The following KMT2C variants were observed in gnomAD, a reference collection of about 807,000 sequenced individuals.
KMT2C encodes the protein lysine methyltransferase 2C.
A neutral mutation model predicts 507.9 loss-of-function variants in KMT2C; 88 were observed. The ratio of observed to expected loss-of-function variants is 0.17; its 90% CI spans 0.15 to 0.21. The LOEUF (loss-of-function observed/expected upper bound fraction) is 0.21, where lower values mean the gene tolerates loss of function less well. KMT2C is among the 10% of genes least tolerant of loss of function. The pLI is 1.00. For synonymous variants in KMT2C, 2,049 were observed against 2,080.8 expected, an observed-to-expected ratio of 0.98 and a Z score of 0.42; for missense variants, 4,954 against 5,957.8, an observed-to-expected ratio of 0.83 and a Z score of 5.55.
At chr7:152,418,959 C>A (rs1336044787) in intron 1 of KMT2C, among the ~76,000 whole-genome samples, 1 of 151,792 alleles carries the variant, frequency 6.6e-6, no homozygotes, top group Non-Finnish European at 1.5e-5. Context: ...TTTGAAAGGC[C>A]AAGGTGGGAG....
intron 6 of KMT2C, among the ~76,000 whole-genome samples, chr7:152,307,267 A>T (rs1347268999): frequency 3.3e-5 from 4 of 122,244 alleles, no homozygotes; most frequent in Non-Finnish European, 6.6e-5. Flanking sequence ...GGAAGGAAGG[A>T]AGGAAGAAAG....
intron 53 of KMT2C, 113 bp from the exon 54 acceptor site, chr7:152,145,408 G>C (rs1374804729): frequency 2.8e-6 from 3 of 1,053,402 alleles, no homozygotes; most frequent in Non-Finnish European, 4.1e-6. Flanking sequence ...CGTTTTCCCC[G>C]ATAATAAAAT....
At chr7:152,431,747 G>A (rs1338006171) in intron 1 of KMT2C, among the ~76,000 whole-genome samples, 1 of 151,704 alleles carries the variant, frequency 6.6e-6, no homozygotes, top group Non-Finnish European at 1.5e-5. Context: ...TGCCTATTGA[G>A]TCCCAGAGAC....
At chr7:152,161,343 T>C (rs2092445846) in intron 43 of KMT2C, among the ~76,000 whole-genome samples, 1 of 152,190 alleles carries the variant, frequency 6.6e-6, no homozygotes. Flanking sequence ...AATTAAAATA[T>C]GAAAATGAAA....
At chr7:152,418,787 A>T (rs138220291) in intron 1 of KMT2C, among the ~76,000 whole-genome samples, 4 of 152,310 alleles carry the variant, frequency 2.6e-5, no homozygotes, top group African/African-American at 9.6e-5. Context: ...AAAGATTAAC[A>T]ATACGGAAAT....
intron 1 of KMT2C, among the ~76,000 whole-genome samples, chr7:152,360,599 C>T (rs931478878): frequency 2.0e-5 from 3 of 151,750 alleles, no homozygotes; most frequent in Non-Finnish European, 4.4e-5. Context: ...TCTGAGAGGC[C>T]GAGGCAGGCA....
chr7:152,358,785 T>C (rs2097172960), intron 1 of KMT2C, 110 bp from the exon 2 acceptor site: 1 of 666,076 alleles, frequency 1.5e-6, no homozygotes, highest in Non-Finnish European at 2.6e-6. Context: ...AATAAGTAAT[T>C]AGGGCATTTT....
chr7:152,225,674 C>T (rs2094906441), intron 18 of KMT2C, among the ~76,000 whole-genome samples: 1 of 151,950 alleles, frequency 6.6e-6, no homozygotes, highest in Non-Finnish European at 1.5e-5. Flanking sequence ...TCAACAGATC[C>T]AACAAAGGAC....
At chr7:152,351,204 A>G (rs966155345) in intron 2 of KMT2C, among the ~76,000 whole-genome samples, 13 of 152,198 alleles carry the variant, frequency 8.5e-5, no homozygotes, top group Admixed American at 7.9e-4. Context: ...TAATGATAAA[A>G]AGTATAGTAT....
intron 1 of KMT2C, among the ~76,000 whole-genome samples, chr7:152,422,963 G>C (rs558208813): frequency 2.3e-4 from 34 of 149,690 alleles, no homozygotes; most frequent in African/African-American, 8.4e-4. Flanking sequence ...CTTACAGTGA[G>C]CCAAGATCAC....
chr7:152,367,658 T>G (rs1294355471), intron 1 of KMT2C: 1 of 1,430,482 alleles, frequency 7.0e-7, no homozygotes, highest in Non-Finnish European at 9.8e-7. Flanking sequence ...TCAAAGAAGG[T>G]GGTGTTCAGT....
intron 42 of KMT2C, 51 bp from the exon 43 acceptor site, chr7:152,163,877 A>T (rs1344303329): frequency 3.9e-6 from 6 of 1,538,736 alleles, no homozygotes; most frequent in Non-Finnish European, 5.4e-6. Context: ...ATAGGTACTG[A>T]AGTAAAACAC....
rs186971873 is a variant in KMT2C at position 152,359,321 on chromosome 7, C to A, written c.162-646G>T. 8.9e-4 allele frequency among the ~76,000 whole-genome samples: 132 copies of A among 148,384 alleles called. 4 individuals are homozygous for A. The highest frequency in any genetic ancestry group is 8.1e-3 in the Admixed American group (121 of 14,864). On this transcript the variant is annotated intron_variant, in intron 1 of 58. Coordinates refer to ENST00000262189, the MANE Select transcript of KMT2C (RefSeq NM_170606.3). ...AAAAAAAAACTAATGCCTTTAAATT[C>A]TTTGAATTGTACTAAATACGGTATA...
chr7:152,215,521 A>G, intron 23 of KMT2C, among the ~76,000 whole-genome samples: 1 of 147,778 alleles, frequency 6.8e-6, no homozygotes, highest in African/African-American at 2.5e-5. Flanking sequence ...CTCAAAAAAA[A>G]AAAAAAAAAA....
chr7:152,316,706 C>A (rs1185983943), intron 3 of KMT2C, among the ~76,000 whole-genome samples: 4 of 152,018 alleles, frequency 2.6e-5, no homozygotes, highest in Non-Finnish European at 5.9e-5. Context: ...ATATTGGACT[C>A]TCAACTAATT....
At chr7:152,363,003 T>C (rs1300015621) in intron 1 of KMT2C, among the ~76,000 whole-genome samples, 1 of 152,224 alleles carries the variant, frequency 6.6e-6, no homozygotes, top group East Asian at 1.9e-4. Flanking sequence ...TCCTTATTGC[T>C]GCTCATTGGC....
Position 152,171,269 on chromosome 7 carries a change from G to T in KMT2C, c.9448C>A (p.Pro3150Thr), listed in dbSNP as rs767049285. 1.2e-6 allele frequency: 2 copies of T among 1,605,126 alleles called. No homozygotes were observed. The highest frequency in any genetic ancestry group is 1.7e-5 in the Admixed American group (1 of 58,912). Residue 3150 changes from proline (P) to threonine (T), a missense_variant, in exon 40 of 59, where the codon CCT becomes ACT. Transcript: ENST00000262189. ...CTCATTACAGGCAGTGTTACCTGAG[G>T]AATGGCCTGTGGTCCAAGGTTCTGT... ...EGQNLGPQAI[P>T]QDGSITHQIS...
chr7:152,148,813 T>G lies in KMT2C; in HGVS notation c.13114A>C (p.Lys4372Gln), dbSNP rs1195009464. ...TCTATTTCATCCTCACAAGGTGGTT[T>G]AAATGTCCCCTTAGGGATTACAATA... The part of the protein sequence containing the change: ...IHIVIPKGTF[K>Q]PPCEDEIDEF... The change falls in exon 52 of 59, where the codon AAA (lysine) becomes CAA (glutamine). Residue 4372 changes from lysine to glutamine, a missense_variant. Lys to Gln is a moderately conservative substitution (Grantham distance 53, BLOSUM62 1). This residue lies in a region of KMT2C where 417 missense variants were observed against 461.1 expected (regional missense o/e 0.90). Coordinates refer to ENST00000262189, the MANE Select transcript of KMT2C (RefSeq NM_170606.3). The surrounding 1 kb of genome is among the most constrained non-coding windows in gnomAD (Gnocchi z 7.1). The G allele has an allele frequency of 6.2e-7, 1 of 1,614,126 alleles. No homozygotes were observed. Among genetic ancestry groups the G allele is most frequent in the Non-Finnish European group, 8.5e-7 (1 of 1,180,056 alleles).
chr7:152,162,251 G>T lies in KMT2C; in HGVS notation c.11326C>A (p.Leu3776Ile). Residue 3776 changes from leucine (L) to isoleucine (I), a missense_variant, in exon 43 of 59, where the codon CTT (leucine) becomes ATT (isoleucine). Physicochemically the swap from Leu to Ile is conservative, Grantham distance 5. Transcript: ENST00000262189. ...PAAKGDSGNE[L>I]LKHLLKNKKS... ...TTATTTTTCAACAAGTGTTTCAGAAGTTCATTCCCTGAGTCTCCTTTGGCA... is the reference window on the plus strand; with the variant it reads ...TTATTTTTCAACAAGTGTTTCAGAATTTCATTCCCTGAGTCTCCTTTGGCA... 6.2e-7 allele frequency: 1 copy of T among 1,614,162 alleles called. No homozygotes were observed.
Sources: gnomAD v4.1 joint callset for allele counts (sites outside exome capture counted in the v4.1 genomes callset) on GRCh38, gnomAD v4.1.1 for gene constraint, gnomAD v4.1.1 regional missense constraint, Gnocchi (gnomAD v3.1) non-coding constraint, MANE v1.5 for transcripts, NCBI Gene and HGNC (gene_info 2026-07-23, HGNC 2026-07-21) for gene names.